MSH3: variants seen among roughly 807,000 people sequenced by gnomAD.
MSH3 encodes the protein mutS homolog 3.
MSH3 carries 106 observed loss-of-function variants against 123.3 expected under a neutral mutation model. The ratio of observed to expected loss-of-function variants is 0.86; its 90% confidence interval spans 0.73 to 1.01. MSH3 has a LOEUF of 1.01. Ranked by LOEUF, MSH3 falls within the 50% of genes least tolerant of loss-of-function variation. The pLI is 0.00. For synonymous variants in MSH3, 515 were observed against 481.4 expected, an observed-to-expected ratio of 1.07 and a Z score of -0.91; for missense variants, 1,459 against 1,347.6, an observed-to-expected ratio of 1.08 and a Z score of -1.29.
chr5:80,711,566 C>A (rs1370735441), intron 8 of MSH3, among the ~76,000 whole-genome samples: 1 of 152,204 alleles, frequency 6.6e-6, no homozygotes, highest in African/African-American at 2.4e-5. Context: ...GGGCTGCCAT[C>A]CTTCTAAGAA....
intron 7 of MSH3, 141 bp from the exon 8 acceptor site, chr5:80,678,786 C>A: frequency 1.2e-6 from 1 of 865,266 alleles, no homozygotes. Flanking sequence ...GAAAAGCAGA[C>A]AGGTTTCTAA....
intron 20 of MSH3, among the ~76,000 whole-genome samples, chr5:80,837,670 A>T (rs752346210): frequency 6.6e-6 from 1 of 152,248 alleles, no homozygotes; most frequent in East Asian, 1.9e-4. Context: ...TTTCATATTT[A>T]TAGAACAAAG....
intron 20 of MSH3, among the ~76,000 whole-genome samples, chr5:80,826,206 AT>A (rs1345397962): frequency 6.6e-6 from 1 of 152,262 alleles, no homozygotes; most frequent in Non-Finnish European, 1.5e-5. Context: ...AAGAATTAGC[AT>A]TTTAAAAGCT....
At chr5:80,792,869 AGT>A (rs1217137644) in intron 19 of MSH3, 25 bp downstream of exon 19, 2 of 1,433,242 alleles carry the variant, frequency 1.4e-6, no homozygotes, top group Non-Finnish European at 2.0e-6. Flanking sequence ...CCAAAAAATA[AGT>A]CGATGATAAC....
At chr5:80,864,063 C>T (rs569907451) in intron 21 of MSH3, among the ~76,000 whole-genome samples, 2 of 152,074 alleles carry the variant, frequency 1.3e-5, no homozygotes, top group Non-Finnish European at 2.9e-5. Context: ...GAAATATACT[C>T]CTTGGGGTTA....
At chr5:80,783,692 C>T (rs1744447996) in intron 17 of MSH3, among the ~76,000 whole-genome samples, 3 of 152,082 alleles carry the variant, frequency 2.0e-5, no homozygotes, top group South Asian at 4.2e-4. Context: ...GTCTTGAGGA[C>T]CTGGGCAGGA....
At chr5:80,771,260 G>T (rs140758481) in intron 15 of MSH3, among the ~76,000 whole-genome samples, 1 of 152,168 alleles carries the variant, frequency 6.6e-6, no homozygotes, top group Non-Finnish European at 1.5e-5. Context: ...AAGGCAGGAG[G>T]ATCGCTTGAG....
At chr5:80,702,072 C>T (rs974441548) in intron 8 of MSH3, among the ~76,000 whole-genome samples, 2 of 152,032 alleles carry the variant, frequency 1.3e-5, no homozygotes, top group Non-Finnish European at 2.9e-5. Context: ...AATCAATATA[C>T]ATTAATATAA....
Position 80,692,549 on chromosome 5 carries a change from TAG to T in MSH3, c.1340+13462_1340+13463del, listed in dbSNP as rs1375282328. Among the ~76,000 whole-genome samples, 29 of 76,550 alleles carry T rather than the reference TAG, an allele frequency of 3.8e-4. 2 individuals are homozygous for T. Among genetic ancestry groups the T allele is most frequent in the African/African-American group, 1.3e-3 (22 of 16,852 alleles). 50.2% of individuals were successfully genotyped at this position (76,550 alleles called of 152,430 possible). A position where few individuals can be genotyped will look rare whatever the true frequency, so the allele number is the denominator to read the frequency against. ...ATAGATAAACATGTATATGTTTATA[TAG>T]AGAGATAAACATGTATATGTTTATA... On this transcript the variant is annotated intron_variant, in intron 8 of 23. Coordinates refer to ENST00000265081, the MANE Select transcript of MSH3 (RefSeq NM_002439.5).
At chr5:80,805,353 T>C (rs1402832314) in intron 19 of MSH3, among the ~76,000 whole-genome samples, 1 of 152,194 alleles carries the variant, frequency 6.6e-6, no homozygotes. Flanking sequence ...TCCATACACT[T>C]AAGTCTTCTT....
rs139446631 is a variant in MSH3 at position 80,677,293 on chromosome 5, T to C, written c.1174-1634T>C. ...CTGCAGTCAGGCTCTGTGCCTTCAG[T>C]CTGGGCAGTGCAGTTTTATACACAC... On this transcript the variant is annotated intron_variant, in intron 7 of 23. Coordinates refer to ENST00000265081, the MANE Select transcript of MSH3 (RefSeq NM_002439.5). Among the ~76,000 whole-genome samples, 1,138 of 152,270 alleles carry C rather than the reference T, an allele frequency of 7.5e-3. 15 individuals are homozygous for C. Among genetic ancestry groups the C allele is most frequent in the African/African-American group, 0.025 (1,035 of 41,570 alleles).
At chr5:80,677,271 C>T (rs1398064558) in intron 7 of MSH3, among the ~76,000 whole-genome samples, 1 of 152,152 alleles carries the variant, frequency 6.6e-6, no homozygotes, top group Non-Finnish European at 1.5e-5. Context: ...AGTATCACTG[C>T]AGTCAGGCTC....
chr5:80,858,766 C>T (rs1745961447), intron 21 of MSH3, among the ~76,000 whole-genome samples: 2 of 152,094 alleles, frequency 1.3e-5, no homozygotes, highest in African/African-American at 4.8e-5. Flanking sequence ...TACTGATTTT[C>T]TGCCTGCTGG....
At chr5:80,777,202 TAAAAAG>T (rs1379891768) in intron 16 of MSH3, among the ~76,000 whole-genome samples, 1 of 152,004 alleles carries the variant, frequency 6.6e-6, no homozygotes, top group African/African-American at 2.4e-5. Context: ...TATTTTAACT[TAAAAAG>T]AGAATGTTTA....
intron 8 of MSH3, among the ~76,000 whole-genome samples, chr5:80,689,315 TA>T (rs1240407605): frequency 2.0e-5 from 3 of 152,220 alleles, no homozygotes; most frequent in African/African-American, 7.2e-5. Context: ...AAATTTGGCC[TA>T]CCAACCTTTT....
At chr5:80,739,678 C>A (rs1324932837) in intron 10 of MSH3, among the ~76,000 whole-genome samples, 1 of 152,182 alleles carries the variant, frequency 6.6e-6, no homozygotes, top group Admixed American at 6.5e-5. Context: ...AAATCATTAA[C>A]AGATTATCGT....
chr5:80,741,291 G>A (rs190719740), intron 10 of MSH3, among the ~76,000 whole-genome samples, 173 bp from the exon 11 acceptor site: 1 of 152,050 alleles, frequency 6.6e-6, no homozygotes, highest in Non-Finnish European at 1.5e-5. Flanking sequence ...AACAGCACCA[G>A]CGTTAATGGA....
intron 8 of MSH3, among the ~76,000 whole-genome samples, chr5:80,704,485 C>A (rs916871869): frequency 6.6e-5 from 10 of 152,134 alleles, no homozygotes; most frequent in African/African-American, 9.7e-5. Flanking sequence ...TTCCAGATTT[C>A]TCTTTGTGGC....
chr5:80,770,449 TAAC>T (rs1356948971), intron 15 of MSH3, among the ~76,000 whole-genome samples: 2 of 152,144 alleles, frequency 1.3e-5, no homozygotes, highest in African/African-American at 2.4e-5. Context: ...ACTCATATAA[TAAC>T]AATAATAGTA....
Sources: allele counts gnomAD v4.1 joint callset (sites outside exome capture counted in the v4.1 genomes callset), GRCh38; gene constraint gnomAD v4.1.1; transcripts MANE v1.5; gene names NCBI Gene and HGNC (gene_info 2026-07-23, HGNC 2026-07-21).